Variants in FSTL5 observed in about 807,000 individuals in gnomAD.
FSTL5 encodes the protein follistatin like 5.
FSTL5 carries 62 observed loss-of-function variants against 89.1 expected under a neutral mutation model. The ratio of observed to expected loss-of-function variants is 0.70; its 90% confidence interval spans 0.57 to 0.86. FSTL5 has a LOEUF of 0.86. FSTL5 is among the 40% of genes least tolerant of loss of function. The pLI is 0.00. For synonymous variants in FSTL5, 383 were observed against 346.2 expected, an observed-to-expected ratio of 1.11 and a Z score of -1.18; for missense variants, 1,057 against 1,001.6, an observed-to-expected ratio of 1.06 and a Z score of -0.75.
At chr4:161,901,153 T>C (rs1733350611) in intron 4 of FSTL5, among the ~76,000 whole-genome samples, 1 of 151,824 alleles carries the variant, frequency 6.6e-6, no homozygotes, top group Non-Finnish European at 1.5e-5. Context: ...GTCCTTGCCC[T>C]TTCTGAATTT....
chr4:162,086,464 A>G (rs575628994), intron 2 of FSTL5, among the ~76,000 whole-genome samples: 49 of 151,772 alleles, frequency 3.2e-4, no homozygotes, highest in Non-Finnish European at 6.0e-4. Context: ...TTTATAGGAT[A>G]TTTATAAAAC....
At chr4:161,695,205 C>A (rs1295956238) in intron 6 of FSTL5, among the ~76,000 whole-genome samples, 1 of 152,058 alleles carries the variant, frequency 6.6e-6, no homozygotes, top group African/African-American at 2.4e-5. Flanking sequence ...ATCCCACACT[C>A]CCTTCCCAGC....
At chr4:161,480,139 A>C (rs1161109008) in intron 13 of FSTL5, among the ~76,000 whole-genome samples, 1 of 152,226 alleles carries the variant, frequency 6.6e-6, no homozygotes, top group East Asian at 1.9e-4. Flanking sequence ...TTTTGGGTCC[A>C]GTTTCCCCAG....
intron 3 of FSTL5, among the ~76,000 whole-genome samples, chr4:161,935,187 G>T (rs1560924824): frequency 6.6e-6 from 1 of 152,092 alleles, no homozygotes; most frequent in Non-Finnish European, 1.5e-5. Context: ...CTCTTGTGTT[G>T]CAGGGCAGTT....
intron 12 of FSTL5, among the ~76,000 whole-genome samples, chr4:161,494,913 T>A (rs1001660188): frequency 3.4e-4 from 52 of 151,930 alleles, no homozygotes; most frequent in African/African-American, 1.2e-3. Context: ...TTGAAAAAAA[T>A]TAATCAGATT....
intron 4 of FSTL5, among the ~76,000 whole-genome samples, chr4:161,899,463 G>A (rs1003386032): frequency 2.0e-5 from 3 of 152,158 alleles, no homozygotes; most frequent in African/African-American, 7.2e-5. Flanking sequence ...ATCTCAGTCT[G>A]CTGACTAATA....
intron 15 of FSTL5, among the ~76,000 whole-genome samples, chr4:161,410,911 A>T (rs2110935030): frequency 6.6e-6 from 1 of 150,946 alleles, no homozygotes; most frequent in East Asian, 2.0e-4. Context: ...GAAATGTAAA[A>T]ATTCATATGA....
intron 8 of FSTL5, among the ~76,000 whole-genome samples, chr4:161,580,619 G>A (rs34237619): frequency 0.049 from 7,417 of 152,146 alleles, 259 homozygotes; most frequent in Non-Finnish European, 0.075. Flanking sequence ...CCCCTCAGGA[G>A]CTTCCCATTG....
intron 3 of FSTL5, among the ~76,000 whole-genome samples, chr4:162,006,617 A>G (rs1004424873): frequency 6.6e-6 from 1 of 151,896 alleles, no homozygotes; most frequent in Non-Finnish European, 1.5e-5. Context: ...AACAAGAAAA[A>G]TTTCAATTTT....
chr4:161,621,118 G>A (rs771822227), intron 7 of FSTL5, among the ~76,000 whole-genome samples: 1 of 152,124 alleles, frequency 6.6e-6, no homozygotes, highest in Non-Finnish European at 1.5e-5. Context: ...AAGATGTACC[G>A]TATGGAGGCC....
chr4:161,925,755 T>C (rs1469802639), intron 3 of FSTL5, among the ~76,000 whole-genome samples: 1 of 150,658 alleles, frequency 6.6e-6, no homozygotes, highest in African/African-American at 2.4e-5. Context: ...CTTAGAATCA[T>C]TGAATTAAAT....
chr4:161,994,284 C>T (rs1489041528), intron 3 of FSTL5, among the ~76,000 whole-genome samples: 1 of 152,150 alleles, frequency 6.6e-6, no homozygotes, highest in Non-Finnish European at 1.5e-5. Flanking sequence ...TTTAACCAGC[C>T]TGTCATTGAT....
chr4:161,569,962 C>A (rs190626416), intron 8 of FSTL5, among the ~76,000 whole-genome samples: 3 of 152,126 alleles, frequency 2.0e-5, no homozygotes, highest in Admixed American at 2.0e-4. Context: ...AGAATGGATA[C>A]GTCAAAGCTT....
intron 13 of FSTL5, among the ~76,000 whole-genome samples, chr4:161,470,104 TA>T (rs1205042277): frequency 6.6e-6 from 1 of 151,642 alleles, no homozygotes; most frequent in Non-Finnish European, 1.5e-5. Context: ...TTAAAAAAAT[TA>T]TTAAGTCCAA....
chr4:161,678,941 AAAAC>A (rs1737418790), intron 6 of FSTL5, among the ~76,000 whole-genome samples: 1 of 151,774 alleles, frequency 6.6e-6, no homozygotes, highest in African/African-American at 2.4e-5. Flanking sequence ...GATATCATTA[AAAAC>A]AAACAATGGT....
chr4:161,707,244 G>A (rs1446560711), intron 6 of FSTL5, among the ~76,000 whole-genome samples: 1 of 151,646 alleles, frequency 6.6e-6, no homozygotes, highest in Non-Finnish European at 1.5e-5. Context: ...TAATTTTCAC[G>A]GATCAGGAGA....
chr4:161,492,306 C>T (rs756036814), intron 12 of FSTL5, among the ~76,000 whole-genome samples: 2 of 151,938 alleles, frequency 1.3e-5, no homozygotes, highest in Non-Finnish European at 1.5e-5. Flanking sequence ...CCTCAGTGCA[C>T]GAGTGATAGT....
At chr4:161,919,827 C>CTA (rs10672104) in intron 4 of FSTL5, among the ~76,000 whole-genome samples, 107,293 of 151,852 alleles carry the variant, frequency 0.71, 38,072 homozygotes, top group Middle Eastern at 0.79. Context: ...CAGTACTTTT[C>CTA]TAAACCAATG....
Position 161,587,525 on chromosome 4 carries a change from G to A in FSTL5, c.945C>T (p.His315=), listed in dbSNP as rs750819805. 11 of 1,610,698 alleles carry A rather than the reference G, an allele frequency of 6.8e-6. No individual in the cohort carries two copies. Among genetic ancestry groups the A allele is most frequent in the African/African-American group, 5.3e-5 (4 of 74,814 alleles). ...SLYITKVTTT[H]VGNYTCYADG... is the part of the protein sequence containing the mutation. ...CTGCATAGCAGGTGTAATTGCCAAC[G>A]TGAGTTGTGGTAACCTTAGTAATAT... The change falls in exon 8 of 16, where the codon CAC becomes CAT. Residue 315 remains histidine, a synonymous_variant. Transcript: ENST00000306100.
Sources: allele counts gnomAD v4.1 joint callset (sites outside exome capture counted in the v4.1 genomes callset), GRCh38; gene constraint gnomAD v4.1.1; transcripts MANE v1.5; gene names NCBI Gene and HGNC (gene_info 2026-07-23, HGNC 2026-07-21).